The following PPP1R12B variants were observed in gnomAD, a reference collection of about 807,000 sequenced individuals.
PPP1R12B encodes the protein protein phosphatase 1 regulatory subunit 12B.
PPP1R12B carries 76 observed loss-of-function variants against 126.1 expected under a neutral mutation model. That is an observed-to-expected ratio of 0.60 (90% CI 0.50 to 0.73). The LOEUF is 0.73. PPP1R12B is among the 30% of genes least tolerant of loss of function. The probability of loss-of-function intolerance (pLI) is 0.00; values close to 1 mark genes in which losing one functional copy is unlikely to be tolerated. For missense variants in PPP1R12B, 1,052 were observed against 1,205.1 expected, an observed-to-expected ratio of 0.87 and a Z score of 1.88; for synonymous variants, 356 against 434.7, an observed-to-expected ratio of 0.82 and a Z score of 2.25.
intron 1 of PPP1R12B, among the ~76,000 whole-genome samples, chr1:202,353,587 TGTG>T (rs1309405108): frequency 1.7e-4 from 2 of 11,736 alleles, no homozygotes; most frequent in African/African-American, 8.4e-4. Context: ...TCTTCTTCTT[TGTG>T]TGTGTGTGTG....
At position 202,369,189 on chromosome 1, in the gene PPP1R12B, T is replaced by C. The variant is rs547971430; in HGVS notation, c.291+20047T>C. On this transcript the variant is annotated intron_variant, in intron 1 of 23. Coordinates refer to ENST00000608999, the MANE Select transcript of PPP1R12B (RefSeq NM_002481.4). ...AGACAGTGAAGACATTTCCCCAGTATTTAAATATATTCATATAGCTAGTTA... is the reference window on the plus strand; with the variant it reads ...AGACAGTGAAGACATTTCCCCAGTACTTAAATATATTCATATAGCTAGTTA... Among the ~76,000 whole-genome samples, 5 of 152,326 alleles carry C rather than the reference T, an allele frequency of 3.3e-5. No individual in the cohort carries two copies. The South Asian group carries it at 8.3e-4, about 25-fold the overall frequency.
In PPP1R12B at chr1:202,379,145, A is replaced by C. The variant is rs182630182; in HGVS notation, c.291+30003A>C. Among the ~76,000 whole-genome samples the C allele has an allele frequency of 2.6e-5, 4 of 152,306 alleles. No homozygotes were observed. In the East Asian group the frequency reaches 7.7e-4, roughly 29 times the overall value. On this transcript the variant is annotated intron_variant, in intron 1 of 23. Transcript: ENST00000608999. ...AGCTGCCCATTAGACATCTTGATGT[A>C]GATGTCTTACAGGTTTCTCTCGGTC... is the stretch of plus-strand genomic sequence containing the variant.
At chr1:202,377,492 G>A (rs1661386471) in intron 1 of PPP1R12B, among the ~76,000 whole-genome samples, 1 of 151,910 alleles carries the variant, frequency 6.6e-6, no homozygotes. Context: ...TGTTAGTAGA[G>A]ACGGGGTTTC....
At chr1:202,383,702 C>T (rs1662692868) in intron 1 of PPP1R12B, among the ~76,000 whole-genome samples, 1 of 151,750 alleles carries the variant, frequency 6.6e-6, no homozygotes. Context: ...CCAGCCTGGG[C>T]AACAGAATAA....
At position 202,425,621 on chromosome 1, in the gene PPP1R12B, C is replaced by T. The variant is rs767412456; in HGVS notation, c.597C>T (p.Ala199=). Reference sequence around the variant, plus strand: ...AAGAGCAGCAGATGTTGCAGGATGCCCGCCAGTGGCTCAACAGTGGGAAAA... The same window carrying T: ...AAGAGCAGCAGATGTTGCAGGATGCTCGCCAGTGGCTCAACAGTGGGAAAA... ...KEEEQQMLQD[A]RQWLNSGKIE... The change falls in exon 4 of 24, where the codon GCC becomes GCT. Residue 199 remains alanine, a synonymous_variant. Transcript: ENST00000608999. 8.1e-6 allele frequency: 13 copies of T among 1,613,938 alleles called. No individual in the cohort carries two copies. Among genetic ancestry groups the T allele is most frequent in the Middle Eastern group, 1.7e-4 (1 of 6,056 alleles).
At chr1:202,358,347 A>C (rs1425785102) in intron 1 of PPP1R12B, among the ~76,000 whole-genome samples, 1 of 152,216 alleles carries the variant, frequency 6.6e-6, no homozygotes, top group Non-Finnish European at 1.5e-5. Context: ...TTTATCAGGC[A>C]TGCAGAGTTT....
chr1:202,487,615 T>C (rs79018326), intron 13 of PPP1R12B, among the ~76,000 whole-genome samples: 2 of 150,854 alleles, frequency 1.3e-5, no homozygotes, highest in African/African-American at 4.9e-5. Context: ...TTTTTTTTTT[T>C]CTTTTTTTTG....
At position 202,363,034 on chromosome 1, in the gene PPP1R12B, A is replaced by G. The variant is rs1012383595; in HGVS notation, c.291+13892A>G. The stretch of plus-strand genomic sequence containing the variant: ...TTGTTATTGGAGATGGGGTTTCGCC[A>G]TGTTGATCAGGCTGGTCTGGAACTC... On this transcript the variant is annotated intron_variant, in intron 1 of 23. Coordinates refer to ENST00000608999, the MANE Select transcript of PPP1R12B (RefSeq NM_002481.4). Among the ~76,000 whole-genome samples the G allele has an allele frequency of 3.9e-5, 6 of 152,234 alleles. No homozygotes were observed. The South Asian group carries it at 1.2e-3, about 32-fold the overall frequency.
At chr1:202,489,885 A>G (rs529631355) in intron 14 of PPP1R12B, among the ~76,000 whole-genome samples, 2 of 152,338 alleles carry the variant, frequency 1.3e-5, no homozygotes, top group South Asian at 4.1e-4. Flanking sequence ...TCCCTGAGGG[A>G]GTCATTGAAG....
chr1:202,558,279 G>A (rs1387596081), intron 18 of PPP1R12B, among the ~76,000 whole-genome samples: 1 of 151,614 alleles, frequency 6.6e-6, no homozygotes, highest in Admixed American at 6.6e-5. Flanking sequence ...CCTTTCTTTT[G>A]AGACCTCAGA....
intron 13 of PPP1R12B, chr1:202,471,779 T>A (rs1572176320): frequency 9.0e-6 from 10 of 1,108,726 alleles, no homozygotes; most frequent in Non-Finnish European, 1.0e-5. Context: ...GGTTCTTTTT[T>A]AAAAAATGGG....
At chr1:202,451,189 T>A (rs914429108) in intron 13 of PPP1R12B, among the ~76,000 whole-genome samples, 1 of 151,676 alleles carries the variant, frequency 6.6e-6, no homozygotes, top group Non-Finnish European at 1.5e-5. Flanking sequence ...ATTTATTTTT[T>A]ATTGATCATT....
At chr1:202,559,404 A>G (rs2149004366) in intron 19 of PPP1R12B, among the ~76,000 whole-genome samples, 1 of 152,302 alleles carries the variant, frequency 6.6e-6, no homozygotes, top group Admixed American at 6.5e-5. Context: ...TTATACCTAG[A>G]TGATGCTCCT....
At chr1:202,499,694 G>A (rs1413968250) in intron 18 of PPP1R12B, among the ~76,000 whole-genome samples, 1 of 152,182 alleles carries the variant, frequency 6.6e-6, no homozygotes, top group Non-Finnish European at 1.5e-5. Flanking sequence ...AAAGAAGATT[G>A]TTTAATACTT....
chr1:202,525,204 T>C (rs1045546202), intron 18 of PPP1R12B, among the ~76,000 whole-genome samples: 2 of 152,152 alleles, frequency 1.3e-5, no homozygotes, highest in African/African-American at 4.8e-5. Context: ...ATATGTTGGT[T>C]TGAGATACCT....
chr1:202,431,354 C>T (rs1670160766), intron 7 of PPP1R12B, 126 bp from the exon 8 acceptor site: 1 of 746,794 alleles, frequency 1.3e-6, no homozygotes, highest in South Asian at 2.7e-5. Flanking sequence ...GAAGAACACA[C>T]AGATGTAAAG....
intron 4 of PPP1R12B, among the ~76,000 whole-genome samples, chr1:202,426,820 A>G (rs1669583824): frequency 6.6e-6 from 1 of 152,208 alleles, no homozygotes; most frequent in African/African-American, 2.4e-5. Flanking sequence ...TGCCTAGGAA[A>G]TATCTTATGA....
intron 1 of PPP1R12B, among the ~76,000 whole-genome samples, chr1:202,366,989 T>G (rs1474442154): frequency 1.3e-5 from 2 of 152,160 alleles, no homozygotes; most frequent in African/African-American, 4.8e-5. Flanking sequence ...ATGTGCATAG[T>G]TTTCTGTACC....
At position 202,586,133 on chromosome 1, in the gene PPP1R12B, T is replaced by G. The variant is rs930310826; in HGVS notation, c.*5573T>G. On this transcript the variant is annotated 3_prime_UTR_variant, in exon 24 of 24. Transcript: ENST00000608999. ...GAGGTTCTGATACCATTCAAGATGGTCTTTCCTTCAAAGCAGGTCTGAAGA... is the reference window on the plus strand; with the variant it reads ...GAGGTTCTGATACCATTCAAGATGGGCTTTCCTTCAAAGCAGGTCTGAAGA... 2.0e-5 allele frequency: 3 copies of G among 152,280 alleles called. No homozygotes were observed. Among genetic ancestry groups the G allele is most frequent in the Non-Finnish European group, 2.9e-5 (2 of 68,076 alleles). 9.4% of individuals were successfully genotyped at this position (152,280 alleles called of 1,614,324 possible).
Sources: allele counts gnomAD v4.1 joint callset (sites outside exome capture counted in the v4.1 genomes callset), GRCh38; gene constraint gnomAD v4.1.1; transcripts MANE v1.5; gene names NCBI Gene and HGNC (gene_info 2026-07-23, HGNC 2026-07-21).